CFAP54: variants seen among roughly 807,000 people sequenced by gnomAD.
The protein encoded by CFAP54 is cilia- and flagella-associated protein 54.
CFAP54 carries 290 observed loss-of-function variants against 370.4 expected under a neutral mutation model. The observed-to-expected ratio is 0.78, with a 90% CI of 0.71 to 0.86. The LOEUF is 0.86. Ranked by LOEUF, CFAP54 falls within the 40% of genes least tolerant of loss-of-function variation. The pLI, the probability that CFAP54 is intolerant of heterozygous loss-of-function variation, is 0.00. For synonymous variants in CFAP54, 1,206 were observed against 1,236.5 expected (o/e 0.98, Z 0.52); for missense variants, 3,399 against 3,528.7 (o/e 0.96, Z 0.93).
intron 48 of CFAP54, among the ~76,000 whole-genome samples, chr12:96,711,732 A>G (rs1190506587): frequency 6.6e-6 from 1 of 152,246 alleles, no homozygotes; most frequent in Non-Finnish European, 1.5e-5. Flanking sequence ...TAAAAAACCA[A>G]TAATTTTTAC....
intron 4 of CFAP54, among the ~76,000 whole-genome samples, chr12:96,512,367 G>C (rs1476492340): frequency 9.7e-6 from 1 of 103,298 alleles, no homozygotes; most frequent in African/African-American, 3.7e-5. Context: ...ATTTGAGATG[G>C]AGTCTTGCTC....
At chr12:96,521,292 G>T (rs1457956202) in intron 6 of CFAP54, among the ~76,000 whole-genome samples, 1 of 152,134 alleles carries the variant, frequency 6.6e-6, no homozygotes, top group Non-Finnish European at 1.5e-5. Flanking sequence ...ATCTCTAGAG[G>T]ATTATAATAA....
chr12:96,842,078 A>G (rs1196567713), intron 66 of CFAP54, among the ~76,000 whole-genome samples: 1 of 152,206 alleles, frequency 6.6e-6, no homozygotes, highest in African/African-American at 2.4e-5. Flanking sequence ...AACTCCCTTC[A>G]TTAGTAACTC....
chr12:96,604,205 GC>G lies in CFAP54; in HGVS notation c.3639+5442del, dbSNP rs539988168. On this transcript the variant is annotated intron_variant, in intron 26 of 67. Transcript: ENST00000524981. ...CATTTGTTAGTTTTCCTTCTAATAG[GC>G]CCCTCAGCTGCAGTTCTGTTGGAGT... is the stretch of plus-strand genomic sequence containing the variant. Among the ~76,000 whole-genome samples the G allele has an allele frequency of 1.6e-3, 240 of 152,252 alleles. 1 individual carries two copies. Among genetic ancestry groups the G allele is most frequent in the African/African-American group, 5.5e-3 (230 of 41,550 alleles).
At chr12:96,628,799 A>C (rs1956572407) in intron 30 of CFAP54, among the ~76,000 whole-genome samples, 1 of 152,188 alleles carries the variant, frequency 6.6e-6, no homozygotes, top group African/African-American at 2.4e-5. Context: ...CTAGCTATCC[A>C]GGCTTACCCC....
chr12:96,712,871 G>A (rs1296558787), intron 48 of CFAP54, among the ~76,000 whole-genome samples: 2 of 152,026 alleles, frequency 1.3e-5, no homozygotes, highest in Non-Finnish European at 2.9e-5. Context: ...TAAAAAGTAG[G>A]CAAAAGACCT....
chr12:96,857,261 A>G (rs925295681), intron 66 of CFAP54, among the ~76,000 whole-genome samples: 5 of 152,168 alleles, frequency 3.3e-5, no homozygotes, highest in African/African-American at 1.2e-4. Context: ...AGTACCCAAT[A>G]GTTATCTTTT....
chr12:96,862,568 T>A (rs1959904310), intron 67 of CFAP54, among the ~76,000 whole-genome samples: 1 of 151,978 alleles, frequency 6.6e-6, no homozygotes, highest in South Asian at 2.1e-4. Flanking sequence ...CCAGGGCAGA[T>A]AAGAATGCAA....
intron 8 of CFAP54, among the ~76,000 whole-genome samples, chr12:96,526,224 G>A (rs1281380662): frequency 6.6e-6 from 1 of 152,170 alleles, no homozygotes; most frequent in Non-Finnish European, 1.5e-5. Context: ...TTATTTACTG[G>A]CAAACTAAAT....
chr12:96,870,914 C>T (rs1185575661), intron 67 of CFAP54, among the ~76,000 whole-genome samples: 2 of 152,156 alleles, frequency 1.3e-5, no homozygotes, highest in Non-Finnish European at 2.9e-5. Flanking sequence ...TAGGTGAGGT[C>T]CACATTTAAA....
chr12:96,522,234 A>T (rs768205248), intron 8 of CFAP54, 45 bp downstream of exon 8: 2 of 1,295,356 alleles, frequency 1.5e-6, no homozygotes, highest in Admixed American at 2.3e-5. Context: ...TTTTTGCAGT[A>T]TATTTGTATT....
rs560592643 is a variant in CFAP54, at chr12:96,592,317, A to C, written c.3213-173A>C. 3.0e-3 allele frequency among the ~76,000 whole-genome samples: 459 copies of C among 152,336 alleles called. 4 individuals are homozygous for C. The highest frequency in any genetic ancestry group is 0.01 in the African/African-American group (420 of 41,574). ...TTGTGTATCTGTGACATAATATTTC[A>C]GTAGTTTAATTTTCTTAGTTGTGAG... is the stretch of plus-strand genomic sequence containing the variant. On this transcript the variant is annotated intron_variant, in intron 23 of 67. Transcript: ENST00000524981.
intron 45 of CFAP54, among the ~76,000 whole-genome samples, chr12:96,697,558 C>A (rs1416093928): frequency 6.6e-6 from 1 of 152,090 alleles, no homozygotes; most frequent in Non-Finnish European, 1.5e-5. Context: ...TATCCAATTT[C>A]CCACTAGCCC....
At chr12:96,644,756 CATT>C (rs1296607452) in intron 33 of CFAP54, among the ~76,000 whole-genome samples, 1 of 152,102 alleles carries the variant, frequency 6.6e-6, no homozygotes, top group Non-Finnish European at 1.5e-5. Flanking sequence ...TTGTGAGACT[CATT>C]ATCATGAGAA....
At chr12:96,868,826 T>G (rs1336777502) in intron 67 of CFAP54, among the ~76,000 whole-genome samples, 1 of 152,188 alleles carries the variant, frequency 6.6e-6, no homozygotes, top group African/African-American at 2.4e-5. Context: ...CTGTATGCTT[T>G]CCTGCAGCAC....
At chr12:96,749,749 A>G (rs1366412364) in intron 55 of CFAP54, among the ~76,000 whole-genome samples, 2 of 152,134 alleles carry the variant, frequency 1.3e-5, no homozygotes, top group African/African-American at 4.8e-5. Flanking sequence ...TTGATTTGTC[A>G]TCTGAATTTT....
intron 66 of CFAP54, among the ~76,000 whole-genome samples, chr12:96,842,939 C>T (rs1196237507): frequency 6.6e-6 from 1 of 152,100 alleles, no homozygotes; most frequent in African/African-American, 2.4e-5. Context: ...AAGAAATTGC[C>T]AGTTACTATT....
intron 66 of CFAP54, among the ~76,000 whole-genome samples, chr12:96,841,043 C>T (rs1959210032): frequency 6.6e-6 from 1 of 152,222 alleles, no homozygotes; most frequent in Non-Finnish European, 1.5e-5. Context: ...TGTCCTTCAT[C>T]AAGGAACCTG....
At chr12:96,565,405 A>T (rs541604307) in intron 19 of CFAP54, among the ~76,000 whole-genome samples, 5 of 152,172 alleles carry the variant, frequency 3.3e-5, no homozygotes, top group Non-Finnish European at 1.5e-5. Flanking sequence ...TATTAAAAAA[A>T]ATTTTTTTTG....
Sources: gnomAD v4.1 joint callset for allele counts (sites outside exome capture counted in the v4.1 genomes callset) on GRCh38, gnomAD v4.1.1 for gene constraint, MANE v1.5 for transcripts, NCBI Gene and HGNC (gene_info 2026-07-23, HGNC 2026-07-21) for gene names.